The following NUBPL variants were observed in gnomAD, a reference collection of about 807,000 sequenced individuals.
The protein encoded by NUBPL is NUBP iron-sulfur cluster assembly factor, mitochondrial.
A neutral mutation model predicts 45.7 loss-of-function variants in NUBPL; 31 were observed. That is an observed-to-expected ratio of 0.68 (90% CI 0.51 to 0.92). The LOEUF (loss-of-function observed/expected upper bound fraction) is 0.92. NUBPL is among the 40% of genes least tolerant of loss of function. NUBPL has a pLI of 0.00. For missense variants in NUBPL, 401 were observed against 398.7 expected (o/e 1.01, Z -0.05); for synonymous variants, 144 against 140.9 (o/e 1.02, Z -0.15).
At chr14:31,669,796 G>GGTTTTTT (rs2036526461) in intron 4 of NUBPL, among the ~76,000 whole-genome samples, 1 of 51,730 alleles carries the variant, frequency 1.9e-5, no homozygotes, top group Non-Finnish European at 4.0e-5. Flanking sequence ...ACATGATCTT[G>GGTTTTTT]GTTTTTTTTT....
intron 3 of NUBPL, among the ~76,000 whole-genome samples, chr14:31,587,098 A>T (rs1051491618): frequency 1.6e-4 from 24 of 152,076 alleles, no homozygotes; most frequent in Admixed American, 1.5e-3. Flanking sequence ...CATAAAAATC[A>T]CCTAGGAGCT....
chr14:31,564,934 A>G, intron 2 of NUBPL, 80 bp from the exon 3 acceptor site: 1 of 754,830 alleles, frequency 1.3e-6, no homozygotes, highest in Non-Finnish European at 2.2e-6. Context: ...ATTAAAAATT[A>G]CATGAAAATA....
intron 7 of NUBPL, among the ~76,000 whole-genome samples, chr14:31,793,641 T>G (rs937738977): frequency 2.6e-5 from 4 of 152,132 alleles, no homozygotes; most frequent in Admixed American, 6.6e-5. Flanking sequence ...GTTTTATCTG[T>G]GACTGTATTA....
chr14:31,745,878 A>G (rs1317178529), intron 6 of NUBPL, among the ~76,000 whole-genome samples: 2 of 152,032 alleles, frequency 1.3e-5, no homozygotes, highest in East Asian at 3.9e-4. Flanking sequence ...CTAATAATGC[A>G]GTTTAAGTGT....
intron 8 of NUBPL, among the ~76,000 whole-genome samples, chr14:31,835,649 A>T: frequency 6.6e-6 from 1 of 152,186 alleles, no homozygotes; most frequent in East Asian, 1.9e-4. Flanking sequence ...CACCTCATGG[A>T]CCCACAACTA....
At chr14:31,811,175 G>T (rs1434097223) in intron 7 of NUBPL, among the ~76,000 whole-genome samples, 1 of 152,118 alleles carries the variant, frequency 6.6e-6, no homozygotes, top group Non-Finnish European at 1.5e-5. Flanking sequence ...GCCTTGCTGG[G>T]CTGGGGAAGT....
chr14:31,842,690 C>G (rs2040395575), intron 8 of NUBPL, among the ~76,000 whole-genome samples: 1 of 152,112 alleles, frequency 6.6e-6, no homozygotes, highest in African/African-American at 2.4e-5. Flanking sequence ...GTTGCCCAGA[C>G]AGGTCTTGAA....
rs1027101510 is a variant in NUBPL, at chr14:31,641,023, C to G, written c.383-32332C>G. Among the ~76,000 whole-genome samples the G allele has an allele frequency of 4.6e-5, 7 of 152,222 alleles. No homozygotes were observed. In the South Asian group the frequency reaches 1.2e-3, roughly 27 times the overall value. On this transcript the variant is annotated intron_variant, in intron 4 of 10. Transcript: ENST00000281081. ...CTGGAGTGCAGTGACACGATCTCAGCTCACTGCAACCTCTGCCTCCTGGGT... is the reference window on the plus strand; with the variant it reads ...CTGGAGTGCAGTGACACGATCTCAGGTCACTGCAACCTCTGCCTCCTGGGT...
chr14:31,735,009 A>T (rs1350158722), intron 6 of NUBPL, among the ~76,000 whole-genome samples: 1 of 151,940 alleles, frequency 6.6e-6, no homozygotes, highest in Non-Finnish European at 1.5e-5. Flanking sequence ...GGACCAGATA[A>T]TCCTGTATTG....
At chr14:31,720,142 C>T (rs552390825) in intron 6 of NUBPL, among the ~76,000 whole-genome samples, 63 of 152,194 alleles carry the variant, frequency 4.1e-4, no homozygotes, top group African/African-American at 1.4e-3. Flanking sequence ...TTATTCTCAT[C>T]GCCCACTTCT....
At chr14:31,704,516 A>G (rs149343218) in intron 6 of NUBPL, among the ~76,000 whole-genome samples, 2 of 152,102 alleles carry the variant, frequency 1.3e-5, no homozygotes, top group African/African-American at 2.4e-5. Context: ...ATACAAAATT[A>G]GCCAGGCATG....
intron 3 of NUBPL, among the ~76,000 whole-genome samples, chr14:31,573,931 T>C (rs547656248): frequency 2.0e-5 from 3 of 152,160 alleles, no homozygotes; most frequent in Non-Finnish European, 4.4e-5. Context: ...TAATGGAACA[T>C]AGTAGGTTCT....
At chr14:31,820,160 G>GA (rs1262628019) in intron 7 of NUBPL, among the ~76,000 whole-genome samples, 1 of 133,610 alleles carries the variant, frequency 7.5e-6, no homozygotes, top group African/African-American at 3.3e-5. Flanking sequence ...AAAAGAAAAA[G>GA]AAAAAAATAT....
chr14:31,703,254 GC>G (rs1319695076), intron 6 of NUBPL: 3 of 152,312 alleles, frequency 2.0e-5, no homozygotes, highest in Admixed American at 2.0e-4. Flanking sequence ...GGCATCTCGT[GC>G]CCCTTTCTCG....
chr14:31,562,287 A>T (rs142539700), intron 2 of NUBPL, 72 bp downstream of exon 2: 7 of 1,393,138 alleles, frequency 5.0e-6, no homozygotes, highest in Non-Finnish European at 6.9e-6. Context: ...TATTGAAATT[A>T]TAGTTTTGTG....
intron 7 of NUBPL, among the ~76,000 whole-genome samples, chr14:31,815,714 A>G (rs766500364): frequency 7.0e-6 from 1 of 142,970 alleles, no homozygotes; most frequent in African/African-American, 2.5e-5. Flanking sequence ...CATTCCATCA[A>G]TACTTAGTTT....
chr14:31,739,179 AAT>A (rs764759367), intron 6 of NUBPL, among the ~76,000 whole-genome samples: 36 of 140,446 alleles, frequency 2.6e-4, no homozygotes, highest in African/African-American at 7.6e-4. Flanking sequence ...ACACCTGGCT[AAT>A]ATATATATAT....
At chr14:31,603,083 G>T (rs1252841488) in intron 4 of NUBPL, among the ~76,000 whole-genome samples, 1 of 151,946 alleles carries the variant, frequency 6.6e-6, no homozygotes, top group Non-Finnish European at 1.5e-5. Flanking sequence ...AGACTGAGGT[G>T]GGAGGACAGC....
intron 4 of NUBPL, among the ~76,000 whole-genome samples, chr14:31,605,832 C>T (rs1385181765): frequency 7.0e-6 from 1 of 143,264 alleles, no homozygotes; most frequent in Non-Finnish European, 1.5e-5. Context: ...TTTCTCGTCT[C>T]CTCCTTTCTT....
Sources: allele counts gnomAD v4.1 joint callset (sites outside exome capture counted in the v4.1 genomes callset), GRCh38; gene constraint gnomAD v4.1.1; transcripts MANE v1.5; gene names NCBI Gene and HGNC (gene_info 2026-07-23, HGNC 2026-07-21).